Variants in RPL37 observed in about 807,000 individuals in gnomAD.
RPL37 encodes large ribosomal subunit protein eL37.
RPL37 carries 1 observed loss-of-function variant against 14.8 expected under a neutral mutation model. The ratio of observed to expected loss-of-function variants is 0.07; its 90% confidence interval spans 0.02 to 0.32. The LOEUF (loss-of-function observed/expected upper bound fraction) is 0.32, where lower values mean the gene tolerates loss of function less well. Among genes scored for constraint, RPL37 ranks in the 10% least tolerant of loss-of-function variants. The pLI, the probability that RPL37 is intolerant of heterozygous loss-of-function variation, is 1.00. For missense variants in RPL37, 100 were observed against 128.3 expected (o/e 0.78, Z 1.06); for synonymous variants, 53 against 45.8 (o/e 1.16, Z -0.63).
At chr5:40,833,629 G>A (rs1745690230) in intron 3 of RPL37, among the ~76,000 whole-genome samples, 1 of 152,146 alleles carries the variant, frequency 6.6e-6, no homozygotes, top group Admixed American at 6.6e-5. Flanking sequence ...CCTGACTCCA[G>A]ACCTTATTCA....
At chr5:40,833,327 T>C (rs911968877) in intron 3 of RPL37, among the ~76,000 whole-genome samples, 1 of 152,198 alleles carries the variant, frequency 6.6e-6, no homozygotes, top group African/African-American at 2.4e-5. Flanking sequence ...CAGCCCAAAG[T>C]ATCAATAGCT....
chr5:40,825,602 T>TTA lies in RPL37; in HGVS notation c.*6901_*6902insTA, dbSNP rs1240403386. 3 of 152,294 alleles carry TTA rather than the reference T, an allele frequency of 2.0e-5. No individual in the cohort carries two copies. The highest frequency in any genetic ancestry group is 4.4e-5 in the Non-Finnish European group (3 of 68,092). 9.4% of individuals were successfully genotyped at this position (152,294 alleles called of 1,614,324 possible). Reference sequence around the variant, plus strand: ...GCAGGGACCATAGTTTCTGCTCTAATAACACCTTTTCCACTCTGACGTAGC... The same window carrying TTA: ...GCAGGGACCATAGTTTCTGCTCTAATTAAACACCTTTTCCACTCTGACGTAGC... On this transcript the variant is annotated 3_prime_UTR_variant, in exon 4 of 4. Transcript: ENST00000274242.
Position 40,834,211 on chromosome 5 carries a change from C to T in RPL37, c.194G>A (p.Arg65Lys). 5 of 1,614,060 alleles carry T rather than the reference C, an allele frequency of 3.1e-6. No individual in the cohort carries two copies. Among genetic ancestry groups the T allele is most frequent in the Non-Finnish European group, 4.2e-6 (5 of 1,179,916 alleles). ...RRNTTGTGRM[R>K]HLKIVYRRFR... ...TCTGCGGTATACAATTTTTAGGTGCCTCATTCGACCAGTTCCGGTGGTATT... is the reference window on the plus strand; with the variant it reads ...TCTGCGGTATACAATTTTTAGGTGCTTCATTCGACCAGTTCCGGTGGTATT... The change falls in exon 3 of 4, where the codon AGG becomes AAG. Residue 65 changes from arginine (R) to lysine (K), a missense_variant. Transcript: ENST00000274242.
At chr5:40,834,087 G>A (rs1745706308) in intron 3 of RPL37, 94 bp downstream of exon 3, 1 of 888,692 alleles carries the variant, frequency 1.1e-6, no homozygotes, top group Non-Finnish European at 1.9e-6. Flanking sequence ...CTCATCCCCA[G>A]TAACCATCAG....
In RPL37 at chr5:40,829,724, T is replaced by TAG. The variant is rs908791028; in HGVS notation, c.*2778_*2779dup. 18 of 149,346 alleles carry TAG rather than the reference T, an allele frequency of 1.2e-4. No individual in the cohort carries two copies. The highest frequency in any genetic ancestry group is 4.1e-4 in the African/African-American group (16 of 39,198). 9.3% of individuals were successfully genotyped at this position (149,346 alleles called of 1,614,324 possible). A position where few individuals can be genotyped will look rare whatever the true frequency, so the allele number is the denominator to read the frequency against. The stretch of plus-strand genomic sequence containing the variant: ...CAACAATATATAATTGTGTCTCAAT[T>TAG]AGAGGTGAGGCCTCTGCAGCTCACC... On this transcript the variant is annotated 3_prime_UTR_variant, in exon 4 of 4. Coordinates refer to ENST00000274242, the MANE Select transcript of RPL37 (RefSeq NM_000997.5).
rs1013702625 is a variant in RPL37, at chr5:40,825,759, G to A, written c.*6745C>T. 1 of 152,308 alleles carries A rather than the reference G, an allele frequency of 6.6e-6. No individual in the cohort carries two copies. Among genetic ancestry groups the A allele is most frequent in the African/African-American group, 2.4e-5 (1 of 41,434 alleles). 9.4% of individuals were successfully genotyped at this position (152,308 alleles called of 1,614,324 possible). A position where few individuals can be genotyped will look rare whatever the true frequency, so the allele number is the denominator to read the frequency against. ...GTCTCGCTGTCACTGAGGCTGGAGT[G>A]CAGTGGTGCAATCTCAGCTCACTGC... On this transcript the variant is annotated 3_prime_UTR_variant, in exon 4 of 4. Transcript: ENST00000274242.
Position 40,825,283 on chromosome 5 carries a change from T to G in RPL37, c.*7221A>C, listed in dbSNP as rs764527501. On this transcript the variant is annotated 3_prime_UTR_variant, in exon 4 of 4. Transcript: ENST00000274242. ...AGTATTTCATTGTACAATATCTTTATTAAAGAAATGCATTCCAGCAACACT... is the reference window on the plus strand; with the variant it reads ...AGTATTTCATTGTACAATATCTTTAGTAAAGAAATGCATTCCAGCAACACT... 6.6e-6 allele frequency: 1 copy of G among 152,216 alleles called. No homozygotes were observed. The highest frequency in any genetic ancestry group is 1.9e-4 in the East Asian group (1 of 5,202). 9.4% of individuals were successfully genotyped at this position (152,216 alleles called of 1,614,324 possible). A position where few individuals can be genotyped will look rare whatever the true frequency, so the allele number is the denominator to read the frequency against.
intron 3 of RPL37, 85 bp from the exon 4 acceptor site, chr5:40,832,658 CT>C (rs1223124104): frequency 1.0e-6 from 1 of 981,324 alleles, no homozygotes; most frequent in Non-Finnish European, 1.7e-6. Context: ...TTTCAATGCG[CT>C]TATCTCAGTT....
rs1446170528 is a variant in RPL37, at chr5:40,826,048, A to T, written c.*6456T>A. On this transcript the variant is annotated 3_prime_UTR_variant, in exon 4 of 4. Coordinates refer to ENST00000274242, the MANE Select transcript of RPL37 (RefSeq NM_000997.5). Reference sequence around the variant, plus strand: ...TCTAAACAACTGTCCTCACTTGAGGAAGCTGGCCTTTCTCCTGTACTGTTT... The same window carrying T: ...TCTAAACAACTGTCCTCACTTGAGGTAGCTGGCCTTTCTCCTGTACTGTTT... 4 of 152,204 alleles carry T rather than the reference A, an allele frequency of 2.6e-5. No homozygotes were observed. The East Asian group carries it at 7.7e-4, about 29-fold the overall frequency. The allele number at this position is 152,204 out of a possible 1,614,324, so 9.4% of individuals were successfully genotyped here.
At chr5:40,832,865 T>C (rs1579793108) in intron 3 of RPL37, 1 of 424,866 alleles carries the variant, frequency 2.4e-6, no homozygotes, top group East Asian at 4.9e-5. Flanking sequence ...TGGCAAGAGA[T>C]CACAGATTAT....
rs1442138912 is a variant in RPL37 at position 40,828,907 on chromosome 5, TTC to T, written c.*3595_*3596del. ...CAAATGAACTTCTCCCTCTCTCCAC[TTC>T]TGTCTCCAATGGACATCTCCCCAAA... On this transcript the variant is annotated 3_prime_UTR_variant, in exon 4 of 4. Coordinates refer to ENST00000274242, the MANE Select transcript of RPL37 (RefSeq NM_000997.5). The T allele has an allele frequency of 3.3e-5, 5 of 152,240 alleles. No homozygotes were observed. Among genetic ancestry groups the T allele is most frequent in the Non-Finnish European group, 2.9e-5 (2 of 68,046 alleles). 9.4% of individuals were successfully genotyped at this position (152,240 alleles called of 1,614,324 possible).
At chr5:40,832,791 G>GC in intron 3 of RPL37, 1 of 632,952 alleles carries the variant, frequency 1.6e-6, no homozygotes, top group South Asian at 1.5e-5. Flanking sequence ...AACTGCAACT[G>GC]CAATAAAGGC....
chr5:40,832,807 A>ATG, intron 3 of RPL37: 2 of 589,662 alleles, frequency 3.4e-6, no homozygotes, highest in Admixed American at 2.3e-5. Context: ...AAGGCTCAAA[A>ATG]ACTTATTTGG....
chr5:40,834,177 G>A lies in RPL37; in HGVS notation c.224+4C>T, dbSNP rs1196748016. 1.9e-6 allele frequency: 3 copies of A among 1,606,622 alleles called. No individual in the cohort carries two copies. Among genetic ancestry groups the A allele is most frequent in the Non-Finnish European group, 1.7e-6 (2 of 1,173,222 alleles). ...CCAATTATGATCGAACATACAAACTGTACCTGAATCTGCGGTATACAATTT... is the reference window on the plus strand; with the variant it reads ...CCAATTATGATCGAACATACAAACTATACCTGAATCTGCGGTATACAATTT... On this transcript the variant is annotated splice_donor_region_variant and intron_variant, in intron 3 of 3. Transcript: ENST00000274242.
Position 40,826,335 on chromosome 5 carries a change from GTTT to G in RPL37, c.*6166_*6168del, listed in dbSNP as rs933859766. 6 of 152,052 alleles carry G rather than the reference GTTT, an allele frequency of 3.9e-5. No individual in the cohort carries two copies. Among genetic ancestry groups the G allele is most frequent in the Admixed American group, 6.6e-5 (1 of 15,260 alleles). 9.4% of individuals were successfully genotyped at this position (152,052 alleles called of 1,614,324 possible). On this transcript the variant is annotated 3_prime_UTR_variant, in exon 4 of 4. Coordinates refer to ENST00000274242, the MANE Select transcript of RPL37 (RefSeq NM_000997.5). The stretch of plus-strand genomic sequence containing the variant: ...TATCCAAGAACGTGGTCAGTTTTCA[GTTT>G]TTATCATTATTTATTATTTTATTTT...
intron 3 of RPL37, 165 bp downstream of exon 3, chr5:40,834,016 G>A: frequency 1.6e-6 from 1 of 617,056 alleles, no homozygotes; most frequent in East Asian, 2.8e-5. Flanking sequence ...CTACACTCAA[G>A]CCTGGGCAAC....
rs576289087 is a variant in RPL37 at position 40,829,298 on chromosome 5, A to T, written c.*3206T>A. The T allele has an allele frequency of 6.6e-6, 1 of 152,304 alleles. No homozygotes were observed. Among genetic ancestry groups the T allele is most frequent in the South Asian group, 2.1e-4 (1 of 4,820 alleles). The allele number at this position is 152,304 out of a possible 1,614,324, so 9.4% of individuals were successfully genotyped here. A position where few individuals can be genotyped will look rare whatever the true frequency, so the allele number is the denominator to read the frequency against. ...CAAGACTCATCACATGCACACTAAC[A>T]CTTTCCACATTCATCTTGCTAGAAT... On this transcript the variant is annotated 3_prime_UTR_variant, in exon 4 of 4. Coordinates refer to ENST00000274242, the MANE Select transcript of RPL37 (RefSeq NM_000997.5).
In RPL37 at chr5:40,827,522, T is replaced by TCA. The variant is rs1745544394; in HGVS notation, c.*4980_*4981dup. ...TGTGAGTAATCTAAAAATACATGGG[T>TCA]CAGGTCAAGTCTTCATCCTGGGGCA... On this transcript the variant is annotated 3_prime_UTR_variant, in exon 4 of 4. Coordinates refer to ENST00000274242, the MANE Select transcript of RPL37 (RefSeq NM_000997.5). 6.6e-6 allele frequency: 1 copy of TCA among 152,114 alleles called. No individual in the cohort carries two copies. The highest frequency in any genetic ancestry group is 1.5e-5 in the Non-Finnish European group (1 of 68,020). The allele number at this position is 152,114 out of a possible 1,614,324, so 9.4% of individuals were successfully genotyped here. A position where few individuals can be genotyped will look rare whatever the true frequency, so the allele number is the denominator to read the frequency against.
In RPL37 at chr5:40,829,960, G is replaced by C. The variant is rs1727932034; in HGVS notation, c.*2544C>G. On this transcript the variant is annotated 3_prime_UTR_variant, in exon 4 of 4. Coordinates refer to ENST00000274242, the MANE Select transcript of RPL37 (RefSeq NM_000997.5). ...AAAGTGCTGCGACTATAGGACGTGA[G>C]CTACCGTACCCGGCCGCCACAGATT... 2 of 152,062 alleles carry C rather than the reference G, an allele frequency of 1.3e-5. No homozygotes were observed. Among genetic ancestry groups the C allele is most frequent in the South Asian group, 4.1e-4 (2 of 4,824 alleles). The allele number at this position is 152,062 out of a possible 1,614,324, so 9.4% of individuals were successfully genotyped here. A position where few individuals can be genotyped will look rare whatever the true frequency, so the allele number is the denominator to read the frequency against.
Sources: allele counts gnomAD v4.1 joint callset (sites outside exome capture counted in the v4.1 genomes callset), GRCh38; gene constraint gnomAD v4.1.1; transcripts MANE v1.5; gene names NCBI Gene and HGNC (gene_info 2026-07-23, HGNC 2026-07-21).